The following CDH11 variants were observed in gnomAD, a reference collection of about 807,000 sequenced individuals.
The protein encoded by CDH11 is cadherin 11, also known as cadherin-11.
CDH11 carries 11 observed loss-of-function variants against 67.8 expected under a neutral mutation model. The ratio of observed to expected loss-of-function variants is 0.16; its 90% CI spans 0.10 to 0.27. The LOEUF is 0.27. CDH11 is among the 10% of genes least tolerant of loss of function. The pLI is 1.00. For synonymous variants in CDH11, 419 were observed against 400.0 expected, an observed-to-expected ratio of 1.05 and a Z score of -0.57; for missense variants, 847 against 1,031.2, an observed-to-expected ratio of 0.82 and a Z score of 2.45.
intron 2 of CDH11, among the ~76,000 whole-genome samples, chr16:65,041,142 G>C (rs1180563107): frequency 6.6e-6 from 1 of 152,134 alleles, no homozygotes; most frequent in Non-Finnish European, 1.5e-5. Flanking sequence ...TGGAGTTCCT[G>C]GATTGACACC....
chr16:65,015,498 G>A (rs2073285244), intron 2 of CDH11, among the ~76,000 whole-genome samples: 1 of 151,438 alleles, frequency 6.6e-6, no homozygotes, highest in African/African-American at 2.4e-5. Flanking sequence ...AGAAAAAGCA[G>A]AGAGGGCAGG....
chr16:64,994,764 C>G (rs1219794158), intron 4 of CDH11, among the ~76,000 whole-genome samples: 8 of 152,102 alleles, frequency 5.3e-5, no homozygotes, highest in African/African-American at 1.9e-4. Flanking sequence ...AAGAAGAAGT[C>G]AAATTATTTC....
intron 2 of CDH11, among the ~76,000 whole-genome samples, chr16:65,019,134 T>A (rs912255244): frequency 3.9e-5 from 6 of 152,206 alleles, no homozygotes; most frequent in African/African-American, 1.2e-4. Context: ...ATGTTTCCTC[T>A]ATGATTTTAA....
rs1474426558 is a variant in CDH11, at chr16:65,013,666, A to G, written c.-172-8625T>C. On this transcript the variant is annotated intron_variant, in intron 2 of 12. Transcript: ENST00000268603. The stretch of plus-strand genomic sequence containing the variant: ...GGTGAAACCCAGTTTCTACTAAAAA[A>G]ATATACAAAAATTAGCCTGGCATGG... 2.0e-5 allele frequency among the ~76,000 whole-genome samples: 3 copies of G among 152,026 alleles called. No individual in the cohort carries two copies. In the East Asian group the frequency reaches 5.8e-4, roughly 29 times the overall value.
intron 1 of CDH11, among the ~76,000 whole-genome samples, chr16:65,064,842 T>C (rs1027304285): frequency 5.3e-5 from 8 of 152,162 alleles, no homozygotes; most frequent in African/African-American, 1.9e-4. Flanking sequence ...AATAACAATG[T>C]GATTGTATCC....
intron 8 of CDH11, among the ~76,000 whole-genome samples, chr16:64,976,149 A>T (rs1439893352): frequency 6.6e-6 from 1 of 152,182 alleles, no homozygotes; most frequent in East Asian, 1.9e-4. Context: ...AGAGTTGGGG[A>T]GAAAGATCAG....
At chr16:65,115,097 A>G (rs1262926642) in intron 1 of CDH11, among the ~76,000 whole-genome samples, 4 of 152,174 alleles carry the variant, frequency 2.6e-5, no homozygotes, top group African/African-American at 9.7e-5. Flanking sequence ...CCTGTGATGA[A>G]TATCTCAATA....
intron 12 of CDH11, chr16:64,948,634 G>T (rs758540635): frequency 1.2e-6 from 2 of 1,611,784 alleles, no homozygotes; most frequent in Non-Finnish European, 1.7e-6. Flanking sequence ...ACTCTCTGTA[G>T]CCACCACATA....
At chr16:65,059,895 T>G (rs1362494397) in intron 1 of CDH11, among the ~76,000 whole-genome samples, 1 of 152,188 alleles carries the variant, frequency 6.6e-6, no homozygotes, top group Non-Finnish European at 1.5e-5. Flanking sequence ...AAACAAACAG[T>G]CATCTAGCAT....
In CDH11 at chr16:64,947,867, C is replaced by G. The variant is rs768924214; in HGVS notation, c.2127G>C (p.Arg709=). ...EYQYMPRPGL[R]PAPNSVDVDD... is the part of the protein sequence containing the mutation. ...CGACATCCACGCTGTTGGGCGCTGGCCGGAGCCCAGGTCTAGGCATGTACT... is the reference window on the plus strand; with the variant it reads ...CGACATCCACGCTGTTGGGCGCTGGGCGGAGCCCAGGTCTAGGCATGTACT... The change falls in exon 13 of 13, where the codon CGG becomes CGC. Residue 709 remains arginine (R), a synonymous_variant. Transcript: ENST00000268603. 2 of 1,614,128 alleles carry G rather than the reference C, an allele frequency of 1.2e-6. No individual in the cohort carries two copies. The highest frequency in any genetic ancestry group is 8.5e-7 in the Non-Finnish European group (1 of 1,180,004).
intron 2 of CDH11, among the ~76,000 whole-genome samples, chr16:65,023,502 C>A (rs1435876719): frequency 6.6e-6 from 1 of 152,092 alleles, no homozygotes; most frequent in Non-Finnish European, 1.5e-5. Context: ...AGCAAGTCCA[C>A]AGAGTAAAGT....
At chr16:64,952,684 ACT>A (rs1209496611) in intron 11 of CDH11, among the ~76,000 whole-genome samples, 6 of 84,372 alleles carry the variant, frequency 7.1e-5, no homozygotes, top group Admixed American at 2.4e-4. Flanking sequence ...ACACACACAC[ACT>A]CACACTGAAC....
chr16:65,068,873 A>T (rs1175587925), intron 1 of CDH11, among the ~76,000 whole-genome samples: 1 of 152,200 alleles, frequency 6.6e-6, no homozygotes, highest in Non-Finnish European at 1.5e-5. Flanking sequence ...TTTCAATGTC[A>T]TCTTAATTAT....
chr16:64,955,037 G>A (rs2071471613), intron 11 of CDH11, among the ~76,000 whole-genome samples: 1 of 151,872 alleles, frequency 6.6e-6, no homozygotes, highest in Admixed American at 6.6e-5. Flanking sequence ...ACGAGGTCAG[G>A]AGATCAAGAC....
intron 6 of CDH11, 84 bp from the exon 7 acceptor site, chr16:64,988,428 T>C (rs1463280386): frequency 8.0e-7 from 1 of 1,257,714 alleles, no homozygotes; most frequent in African/African-American, 1.5e-5. Flanking sequence ...CCAATAAATT[T>C]CTCAAAGGAT....
At chr16:64,998,923 T>C in intron 3 of CDH11, 67 bp from the exon 4 acceptor site, 1 of 1,311,006 alleles carries the variant, frequency 7.6e-7, no homozygotes, top group Non-Finnish European at 1.1e-6. Flanking sequence ...CACTTACAAG[T>C]GATTGCAACA....
intron 11 of CDH11, among the ~76,000 whole-genome samples, chr16:64,955,112 G>C (rs544044894): frequency 1.3e-5 from 2 of 152,092 alleles, no homozygotes; most frequent in Non-Finnish European, 2.9e-5. Flanking sequence ...TGGGCTTGGT[G>C]GTGGGTGCCT....
At chr16:65,119,555 A>G (rs1374946495) in intron 1 of CDH11, among the ~76,000 whole-genome samples, 1 of 152,164 alleles carries the variant, frequency 6.6e-6, no homozygotes, top group Non-Finnish European at 1.5e-5. Flanking sequence ...TTATTTTCCT[A>G]GGCAGCAATA....
Position 64,982,071 on chromosome 16 carries a change from A to AG in CDH11, c.1229dup (p.Asp411Ter). 6.2e-7 allele frequency: 1 copy of AG among 1,613,438 alleles called. No homozygotes were observed. The stretch of plus-strand genomic sequence containing the variant: ...ACCTTATCGGGCTGTTGGCAGCATC[A>AG]GGGTCTTTGGCATGCACTCTCCCAA... On this transcript the variant is annotated frameshift_variant, in exon 8 of 13. Transcript: ENST00000268603. LOFTEE classifies it high-confidence loss of function.
Sources: gnomAD v4.1 joint callset for allele counts (sites outside exome capture counted in the v4.1 genomes callset) on GRCh38, gnomAD v4.1.1 for gene constraint, MANE v1.5 for transcripts, NCBI Gene and HGNC (gene_info 2026-07-23, HGNC 2026-07-21) for gene names.